PTGER4: variants seen among roughly 807,000 people sequenced by gnomAD.
The protein encoded by PTGER4 is prostaglandin E2 receptor EP4 subtype.
PTGER4 carries 11 observed loss-of-function variants against 33.2 expected under a neutral mutation model. That is an observed-to-expected ratio of 0.33 (90% CI 0.21 to 0.55). The LOEUF is 0.55. Ranked by LOEUF, PTGER4 falls within the 20% of genes least tolerant of loss-of-function variation. The pLI, the probability that PTGER4 is intolerant of heterozygous loss-of-function variation, is 0.92. For missense variants in PTGER4, 481 were observed against 650.2 expected (o/e 0.74, Z 2.83); for synonymous variants, 275 against 281.5 (o/e 0.98, Z 0.23).
the PTGER4 span, among the ~76,000 whole-genome samples, chr5:40,740,509 A>T: frequency 6.6e-6 from 1 of 151,664 alleles, no homozygotes; most frequent in Non-Finnish European, 1.5e-5. Context: ...CAGCTTCTAC[A>T]CTCCGAAATC....
chr5:40,703,650 A>G, the PTGER4 span, among the ~76,000 whole-genome samples: 1 of 152,214 alleles, frequency 6.6e-6, no homozygotes, highest in African/African-American at 2.4e-5. Context: ...CACGCCTGTA[A>G]TCCCAGCACT....
chr5:40,734,695 C>G, the PTGER4 span, among the ~76,000 whole-genome samples: 1 of 152,314 alleles, frequency 6.6e-6, no homozygotes, highest in Middle Eastern at 3.4e-3. Context: ...AGCTTATTCA[C>G]TTTATAAATA....
In PTGER4 at chr5:40,692,600, T is replaced by G; in HGVS notation, c.*222T>G. 7.7e-7 allele frequency: 1 copy of G among 1,305,022 alleles called. No individual in the cohort carries two copies. The highest frequency in any genetic ancestry group is 9.7e-7 in the Non-Finnish European group (1 of 1,026,412). 80.8% of individuals were successfully genotyped at this position (1,305,022 alleles called of 1,614,324 possible). A position where few individuals can be genotyped will look rare whatever the true frequency, so the allele number is the denominator to read the frequency against. ...GATGCTACCCCACTATGACAGAGGA[T>G]TGTGGTCACAACTTGATGGCTGCGA... On this transcript the variant is annotated 3_prime_UTR_variant, in exon 3 of 3. Coordinates refer to ENST00000302472, the MANE Select transcript of PTGER4 (RefSeq NM_000958.3).
At chr5:40,684,754 C>T (rs1238510215) in intron 2 of PTGER4, among the ~76,000 whole-genome samples, 1 of 152,154 alleles carries the variant, frequency 6.6e-6, no homozygotes. Context: ...AGGAACATCA[C>T]ATGACAAGAT....
the PTGER4 span, among the ~76,000 whole-genome samples, chr5:40,708,478 C>T: frequency 5.7e-3 from 863 of 152,230 alleles, 3 homozygotes; most frequent in Non-Finnish European, 8.6e-3. Flanking sequence ...CAAGACTAAA[C>T]CAGGAAGAAG....
chr5:40,745,180 C>A, the PTGER4 span, among the ~76,000 whole-genome samples: 7 of 152,190 alleles, frequency 4.6e-5, no homozygotes, highest in African/African-American at 1.7e-4. Context: ...CTGTGAACTC[C>A]TTAGATCCTG....
chr5:40,728,602 A>G, the PTGER4 span: 1 of 847,678 alleles, frequency 1.2e-6, no homozygotes, highest in Non-Finnish European at 1.7e-6. Context: ...GGTGATTTTT[A>G]CCCCTTACTC....
chr5:40,698,780 C>T, the PTGER4 span, among the ~76,000 whole-genome samples: 6 of 152,078 alleles, frequency 3.9e-5, no homozygotes, highest in African/African-American at 1.4e-4. Flanking sequence ...AAGAACAAAG[C>T]GTTTATTATA....
chr5:40,736,209 G>A, the PTGER4 span, among the ~76,000 whole-genome samples: 1,654 of 152,212 alleles, frequency 0.011, 13 homozygotes, highest in Non-Finnish European at 0.018. Flanking sequence ...AAGATGTGCT[G>A]GTGAGAAAAT....
At chr5:40,718,788 C>T in the PTGER4 span, among the ~76,000 whole-genome samples, 9,708 of 151,758 alleles carry the variant, frequency 0.064, 549 homozygotes, top group East Asian at 0.3. Flanking sequence ...GTAATCCCAG[C>T]TAATTTGGAG....
At chr5:40,738,504 C>A in the PTGER4 span, among the ~76,000 whole-genome samples, 13,860 of 97,716 alleles carry the variant, frequency 0.14, 930 homozygotes, top group Non-Finnish European at 0.15. Context: ...CAATACAATA[C>A]AATAAAATAC....
In PTGER4 at chr5:40,680,849, C is replaced by T; in HGVS notation, c.-43-102C>T. ...ATCCAGAAAGTAGGATCGAGTTGCT[C>T]CCCTTGTCTTATCAGTGTATCGTTT... is the stretch of plus-strand genomic sequence containing the variant. On this transcript the variant is annotated intron_variant, in intron 1 of 2. Coordinates refer to ENST00000302472, the MANE Select transcript of PTGER4 (RefSeq NM_000958.3). The surrounding 1 kb of genome is among the most constrained non-coding windows in gnomAD (Gnocchi z 5.5). 1 of 1,058,342 alleles carries T rather than the reference C, an allele frequency of 9.4e-7. No individual in the cohort carries two copies. Among genetic ancestry groups the T allele is most frequent in the South Asian group, 1.6e-5 (1 of 63,632 alleles). The allele number at this position is 1,058,342 out of a possible 1,614,324, so 65.6% of individuals were successfully genotyped here.
At chr5:40,731,793 C>G in the PTGER4 span, among the ~76,000 whole-genome samples, 45 of 152,276 alleles carry the variant, frequency 3.0e-4, no homozygotes, top group African/African-American at 1.1e-3. Context: ...TCAAAGGCTC[C>G]TCCTCTAAGA....
chr5:40,719,347 T>A, the PTGER4 span, among the ~76,000 whole-genome samples: 1 of 152,254 alleles, frequency 6.6e-6, no homozygotes, highest in Non-Finnish European at 1.5e-5. Flanking sequence ...TCACTTAACA[T>A]ATTGTTTTTA....
the PTGER4 span, among the ~76,000 whole-genome samples, chr5:40,735,167 A>C: frequency 6.6e-6 from 1 of 152,240 alleles, no homozygotes; most frequent in East Asian, 1.9e-4. Flanking sequence ...AGCCATAGTT[A>C]TGCATGTGGA....
the PTGER4 span, among the ~76,000 whole-genome samples, chr5:40,734,798 T>G: frequency 6.6e-6 from 1 of 152,334 alleles, no homozygotes; most frequent in East Asian, 1.9e-4. Flanking sequence ...CCTACTATTC[T>G]TCCAGATCTT....
chr5:40,693,078 T>C lies in PTGER4; in HGVS notation c.*700T>C, dbSNP rs1741513580. On this transcript the variant is annotated 3_prime_UTR_variant, in exon 3 of 3. Transcript: ENST00000302472. ...AAAGGGATAAAGAAAAAAATACTAT[T>C]TAAGATGTGAAAATTACAGTCCAAA... is the stretch of plus-strand genomic sequence containing the variant. 3.2e-6 allele frequency: 3 copies of C among 929,118 alleles called. No individual in the cohort carries two copies. The highest frequency in any genetic ancestry group is 3.9e-6 in the Non-Finnish European group (3 of 778,628). 57.6% of individuals were successfully genotyped at this position (929,118 alleles called of 1,614,324 possible).
In PTGER4 at chr5:40,680,952, C is replaced by G; in HGVS notation, c.-42C>G. 1 of 1,564,470 alleles carries G rather than the reference C, an allele frequency of 6.4e-7. No homozygotes were observed. On this transcript the variant is annotated splice_region_variant and 5_prime_UTR_variant, in exon 2 of 3. Coordinates refer to ENST00000302472, the MANE Select transcript of PTGER4 (RefSeq NM_000958.3). This position sits in a 1 kb window ranked among gnomAD's most constrained non-coding sequence, Gnocchi z 5.5. ...TTGTCTCTCTTCTACCATCCCCAGACCCAGCCTTGCACTCCAAGGCTGCGC... is the reference window on the plus strand; with the variant it reads ...TTGTCTCTCTTCTACCATCCCCAGAGCCAGCCTTGCACTCCAAGGCTGCGC...
chr5:40,722,366 C>A, the PTGER4 span, among the ~76,000 whole-genome samples: 2 of 151,762 alleles, frequency 1.3e-5, no homozygotes, highest in Middle Eastern at 3.5e-3. Flanking sequence ...CCTGGCCGCC[C>A]ATCGTCTGGG....
Sources: gnomAD v4.1 joint callset for allele counts (sites outside exome capture counted in the v4.1 genomes callset) on GRCh38, gnomAD v4.1.1 for gene constraint, Gnocchi (gnomAD v3.1) non-coding constraint, MANE v1.5 for transcripts, NCBI Gene and HGNC (gene_info 2026-07-23, HGNC 2026-07-21) for gene names.